CADPS2: variants seen among roughly 807,000 people sequenced by gnomAD.
CADPS2 encodes the protein calcium-dependent secretion activator 2.
A neutral mutation model predicts 172.5 loss-of-function variants in CADPS2; 93 were observed. That is an observed-to-expected ratio of 0.54 (90% CI 0.46 to 0.64). The LOEUF (loss-of-function observed/expected upper bound fraction) is 0.64, where lower values mean the gene tolerates loss of function less well. Among genes scored for constraint, CADPS2 ranks in the 30% least tolerant of loss-of-function variants. The probability of loss-of-function intolerance (pLI) is 0.00; values close to 1 mark genes in which losing one functional copy is unlikely to be tolerated. For missense variants in CADPS2, 1,420 were observed against 1,565.9 expected (o/e 0.91, Z 1.57); for synonymous variants, 546 against 555.2 (o/e 0.98, Z 0.23).
intron 25 of CADPS2, among the ~76,000 whole-genome samples, chr7:122,371,221 G>C (rs1268043223): frequency 1.3e-5 from 2 of 152,200 alleles, no homozygotes; most frequent in East Asian, 3.9e-4. Flanking sequence ...ATTTTGGAAA[G>C]ATACTCTGGC....
At chr7:122,769,830 T>C (rs2093657643) in intron 1 of CADPS2, among the ~76,000 whole-genome samples, 1 of 152,280 alleles carries the variant, frequency 6.6e-6, no homozygotes, top group Middle Eastern at 3.4e-3. Context: ...CTGAGGTTCC[T>C]TTCTTAACCC....
intron 3 of CADPS2, among the ~76,000 whole-genome samples, chr7:122,629,738 T>C (rs2076403264): frequency 6.6e-6 from 1 of 152,154 alleles, no homozygotes; most frequent in South Asian, 2.1e-4. Context: ...TAAGTTTGTA[T>C]TAGTGCTAAA....
intron 7 of CADPS2, among the ~76,000 whole-genome samples, chr7:122,568,153 C>T (rs758466778): frequency 6.6e-6 from 1 of 152,084 alleles, no homozygotes; most frequent in Non-Finnish European, 1.5e-5. Context: ...AATCCCAGCA[C>T]TTTGGGAGGC....
chr7:122,733,259 AAG>A (rs1451467405), intron 2 of CADPS2, among the ~76,000 whole-genome samples: 5 of 151,990 alleles, frequency 3.3e-5, no homozygotes, highest in Non-Finnish European at 5.9e-5. Context: ...CTTTTAGAAA[AAG>A]AGAATTGTGG....
In CADPS2 at chr7:122,886,024, G is replaced by T; in HGVS notation, c.314C>A (p.Thr105Asn). Residue 105 changes from threonine (T) to asparagine (N), a missense_variant, in exon 1 of 30, where the codon ACC becomes AAC. Coordinates refer to ENST00000449022, the MANE Select transcript of CADPS2 (RefSeq NM_017954.11). Reference sequence around the variant, plus strand: ...CTTCTGCTGCCTCCGGGCCATGTCGGTGGGCTGCTTGGCGTTGAAGGGGTA... The same window carrying T: ...CTTCTGCTGCCTCCGGGCCATGTCGTTGGGCTGCTTGGCGTTGAAGGGGTA... Reference protein sequence around the residue: ...IAYPFNAKQPTDMARRQQKLN... With the variant: ...IAYPFNAKQPNDMARRQQKLN... 3 of 1,608,470 alleles carry T rather than the reference G, an allele frequency of 1.9e-6. No individual in the cohort carries two copies. Among genetic ancestry groups the T allele is most frequent in the Non-Finnish European group, 2.5e-6 (3 of 1,177,828 alleles).
intron 1 of CADPS2, among the ~76,000 whole-genome samples, chr7:122,834,721 G>A (rs369898767): frequency 1.2e-4 from 19 of 152,176 alleles, no homozygotes; most frequent in African/African-American, 2.9e-4. Context: ...ACTGCAAGGC[G>A]GCAGCGAGGC....
At chr7:122,775,144 C>G (rs988828285) in intron 1 of CADPS2, among the ~76,000 whole-genome samples, 3 of 152,096 alleles carry the variant, frequency 2.0e-5, no homozygotes, top group African/African-American at 7.2e-5. Flanking sequence ...TACACCGTGT[C>G]TTTTATCCAA....
At chr7:122,705,172 CT>C (rs937145722) in intron 2 of CADPS2, among the ~76,000 whole-genome samples, 36 of 151,782 alleles carry the variant, frequency 2.4e-4, no homozygotes, top group African/African-American at 8.0e-4. Context: ...TACAAGTTAC[CT>C]TTTAGTCCAT....
At chr7:122,868,743 G>C (rs1266590597) in intron 1 of CADPS2, among the ~76,000 whole-genome samples, 1 of 152,198 alleles carries the variant, frequency 6.6e-6, no homozygotes, top group African/African-American at 2.4e-5. Flanking sequence ...CTAATGAATG[G>C]AGATATGTTT....
At chr7:122,580,793 GAGC>G (rs962379296) in intron 7 of CADPS2, among the ~76,000 whole-genome samples, 3 of 152,130 alleles carry the variant, frequency 2.0e-5, no homozygotes, top group African/African-American at 7.2e-5. Context: ...TGAACATGAA[GAGC>G]AGATGATTTC....
At chr7:122,808,059 A>G (rs987946777) in intron 1 of CADPS2, among the ~76,000 whole-genome samples, 2 of 152,212 alleles carry the variant, frequency 1.3e-5, no homozygotes, top group Admixed American at 1.3e-4. Context: ...CACTTGCCAC[A>G]ATAACATTCT....
chr7:122,530,506 T>C (rs2061667811), intron 8 of CADPS2, among the ~76,000 whole-genome samples: 1 of 152,118 alleles, frequency 6.6e-6, no homozygotes, highest in African/African-American at 2.4e-5. Context: ...ATTTTCCTTA[T>C]AACAACTTAC....
intron 6 of CADPS2, among the ~76,000 whole-genome samples, chr7:122,592,254 C>T (rs1196542898): frequency 7.9e-5 from 12 of 151,988 alleles, no homozygotes; most frequent in Non-Finnish European, 1.5e-4. Context: ...TCATCACTGG[C>T]CATCAGAGAA....
At position 122,854,040 on chromosome 7, in the gene CADPS2, G is replaced by A. The variant is rs148629430; in HGVS notation, c.339+31959C>T. ...CAGACTCCAGGCCATAGTAACTGCT[G>A]GAGCGATGTCCTCGGAGCTGCCAGA... On this transcript the variant is annotated intron_variant, in intron 1 of 29. Coordinates refer to ENST00000449022, the MANE Select transcript of CADPS2 (RefSeq NM_017954.11). Among the ~76,000 whole-genome samples, 430 of 152,292 alleles carry A rather than the reference G, an allele frequency of 2.8e-3. 2 individuals are homozygous for A. The highest frequency in any genetic ancestry group is 1.0e-2 in the African/African-American group (415 of 41,552).
At chr7:122,492,422 C>T (rs1382661502) in intron 9 of CADPS2, among the ~76,000 whole-genome samples, 1 of 151,982 alleles carries the variant, frequency 6.6e-6, no homozygotes, top group African/African-American at 2.4e-5. Flanking sequence ...GCTCTGAAGT[C>T]ACCTCCCTGA....
At chr7:122,407,499 C>T in intron 20 of CADPS2, 41 bp downstream of exon 20, 3 of 1,585,126 alleles carry the variant, frequency 1.9e-6, no homozygotes, top group Non-Finnish European at 2.6e-6. Flanking sequence ...ATTCTCCCAC[C>T]CCTCCCCATT....
intron 28 of CADPS2, among the ~76,000 whole-genome samples, chr7:122,327,237 T>C (rs1010751852): frequency 6.6e-6 from 1 of 152,122 alleles, no homozygotes; most frequent in African/African-American, 2.4e-5. Flanking sequence ...TGCTACTTAT[T>C]TCAAATAATT....
intron 1 of CADPS2, among the ~76,000 whole-genome samples, chr7:122,831,586 T>C (rs1207106098): frequency 6.6e-6 from 1 of 152,240 alleles, no homozygotes; most frequent in Admixed American, 6.5e-5. Context: ...ATTAAGTCCC[T>C]GGAATTCCTG....
chr7:122,542,002 T>C (rs2063146736), intron 8 of CADPS2, among the ~76,000 whole-genome samples: 1 of 151,194 alleles, frequency 6.6e-6, no homozygotes, highest in African/African-American at 2.4e-5. Context: ...CAAATCATCA[T>C]TTATTTGTAA....
Sources: allele counts gnomAD v4.1 joint callset (sites outside exome capture counted in the v4.1 genomes callset), GRCh38; gene constraint gnomAD v4.1.1; transcripts MANE v1.5; gene names NCBI Gene and HGNC (gene_info 2026-07-23, HGNC 2026-07-21).